FA2H: variants seen among roughly 807,000 people sequenced by gnomAD.
FA2H encodes fatty acid 2-hydroxylase, also known as fatty acid alpha-hydroxylase.
In FA2H, 22 loss-of-function variants were observed where a neutral mutation model predicts 44.9. The ratio of observed to expected loss-of-function variants is 0.49; its 90% confidence interval spans 0.35 to 0.70. FA2H has a LOEUF of 0.70. Ranked by LOEUF, FA2H falls within the 30% of genes least tolerant of loss-of-function variation. The pLI, the probability that FA2H is intolerant of heterozygous loss-of-function variation, is 0.01. For missense variants in FA2H, 501 were observed against 504.9 expected (o/e 0.99, Z 0.07); for synonymous variants, 243 against 213.2 (o/e 1.14, Z -1.22).
chr16:74,719,130 A>T lies in FA2H; in HGVS notation c.644T>A (p.Phe215Tyr), dbSNP rs1349608524. Residue 215 changes from phenylalanine to tyrosine, a missense_variant, in exon 5 of 7, where the codon TTC becomes TAC. Phe to Tyr is a conservative substitution (Grantham distance 22). Coordinates refer to ENST00000219368, the MANE Select transcript of FA2H (RefSeq NM_024306.5). ...TGTCCCCAGCATGAAGAGCCCGGGG[A>T]ACATGGACTTGGGCACTGCCACCGT... Reference protein sequence around the residue: ...EYTVAVPKSMFPGLFMLGTFL... With the variant: ...EYTVAVPKSMYPGLFMLGTFL... The T allele has an allele frequency of 6.2e-7, 1 of 1,613,724 alleles. No individual in the cohort carries two copies. The highest frequency in any genetic ancestry group is 1.1e-5 in the South Asian group (1 of 91,082).
At chr16:74,764,843 C>T (rs1962778090) in intron 1 of FA2H, among the ~76,000 whole-genome samples, 1 of 151,998 alleles carries the variant, frequency 6.6e-6, no homozygotes, top group African/African-American at 2.4e-5. Context: ...GGACTAGAAA[C>T]CCAGGCAACC....
intron 1 of FA2H, among the ~76,000 whole-genome samples, chr16:74,767,443 T>C (rs905181572): frequency 2.0e-5 from 3 of 152,210 alleles, no homozygotes; most frequent in Non-Finnish European, 2.9e-5. Flanking sequence ...GTGAATATGC[T>C]ACCTGACTTT....
At chr16:74,756,232 A>T (rs148212449) in intron 1 of FA2H, among the ~76,000 whole-genome samples, 81 of 152,310 alleles carry the variant, frequency 5.3e-4, no homozygotes, top group Middle Eastern at 3.4e-3. Context: ...AACACAAAGC[A>T]GGAAGAATAA....
In FA2H at chr16:74,716,404, A is replaced by G; in HGVS notation, c.982T>C (p.Tyr328His). 1 of 1,614,064 alleles carries G rather than the reference A, an allele frequency of 6.2e-7. No homozygotes were observed. Among genetic ancestry groups the G allele is most frequent in the Non-Finnish European group, 8.5e-7 (1 of 1,180,000 alleles). ...LHFGSPHKGS[Y>H]LYSLKAHHVK... ...TGGTGGGCCTTCAGGCTGTACAGGTAGGAGCCCTTGTGCGGCGAGCCAAAG... is the reference window on the plus strand; with the variant it reads ...TGGTGGGCCTTCAGGCTGTACAGGTGGGAGCCCTTGTGCGGCGAGCCAAAG... Residue 328 changes from tyrosine to histidine, a missense_variant, in exon 6 of 7, where the codon TAC (tyrosine) becomes CAC (histidine). Transcript: ENST00000219368.
At chr16:74,723,875 T>A (rs1321943077) in intron 4 of FA2H, among the ~76,000 whole-genome samples, 1 of 151,958 alleles carries the variant, frequency 6.6e-6, no homozygotes, top group Non-Finnish European at 1.5e-5. Context: ...GATGAGTATA[T>A]ACATTGTATT....
intron 6 of FA2H, among the ~76,000 whole-genome samples, chr16:74,714,826 T>C (rs1961658534): frequency 6.7e-6 from 1 of 149,246 alleles, no homozygotes; most frequent in Non-Finnish European, 1.5e-5. Context: ...CTTGATTGAG[T>C]TACTGGAATT....
At chr16:74,721,183 G>GA (rs1385541358) in intron 4 of FA2H, among the ~76,000 whole-genome samples, 1 of 147,418 alleles carries the variant, frequency 6.8e-6, no homozygotes, top group Non-Finnish European at 1.5e-5. Flanking sequence ...TTTTTTTTTT[G>GA]TGAGGCAGAG....
intron 5 of FA2H, chr16:74,716,880 T>C: frequency 2.1e-6 from 1 of 481,592 alleles, no homozygotes; most frequent in South Asian, 2.7e-5. Flanking sequence ...TGGGGTGTGC[T>C]GGCGGCTCAG....
intron 2 of FA2H, among the ~76,000 whole-genome samples, chr16:74,733,986 T>G (rs911176532): frequency 2.6e-5 from 4 of 152,160 alleles, no homozygotes. Flanking sequence ...CCCTTCTACC[T>G]GGGCACCACG....
In FA2H at chr16:74,753,035, C is replaced by A. The variant is rs551804639; in HGVS notation, c.271-12920G>T. On this transcript the variant is annotated intron_variant, in intron 1 of 6. Coordinates refer to ENST00000219368, the MANE Select transcript of FA2H (RefSeq NM_024306.5). Reference sequence around the variant, plus strand: ...CGTCCCTCACCACCTAGCAGAGACCCACCCCTGGTTAGCAGAAGCTGGAGC... The same window carrying A: ...CGTCCCTCACCACCTAGCAGAGACCAACCCCTGGTTAGCAGAAGCTGGAGC... Among the ~76,000 whole-genome samples the A allele has an allele frequency of 4.4e-4, 67 of 152,366 alleles. No homozygotes were observed. The South Asian group carries it at 0.013, about 30-fold the overall frequency.
At chr16:74,763,258 T>A (rs1389382276) in intron 1 of FA2H, among the ~76,000 whole-genome samples, 2 of 151,662 alleles carry the variant, frequency 1.3e-5, no homozygotes, top group Admixed American at 6.6e-5. Flanking sequence ...ACGTTTGGAA[T>A]TTTTTTTTGT....
intron 1 of FA2H, among the ~76,000 whole-genome samples, chr16:74,743,924 C>A (rs1962364306): frequency 6.6e-6 from 1 of 152,186 alleles, no homozygotes; most frequent in South Asian, 2.1e-4. Context: ...CTCCTAGGTA[C>A]AGGGACACGT....
At chr16:74,744,552 A>G (rs1192919662) in intron 1 of FA2H, among the ~76,000 whole-genome samples, 1 of 151,284 alleles carries the variant, frequency 6.6e-6, no homozygotes, top group Non-Finnish European at 1.5e-5. Flanking sequence ...CCTGGGCTCA[A>G]GCAATCCTCA....
At chr16:74,723,568 G>A (rs1961884971) in intron 4 of FA2H, among the ~76,000 whole-genome samples, 1 of 152,166 alleles carries the variant, frequency 6.6e-6, no homozygotes. Context: ...CTGGGAGGCT[G>A]TGGTTACTGA....
intron 5 of FA2H, 87 bp from the exon 6 acceptor site, chr16:74,716,686 G>T (rs747693437): frequency 2.1e-6 from 3 of 1,430,012 alleles, no homozygotes; most frequent in Non-Finnish European, 2.8e-6. Flanking sequence ...AGAGGACAGG[G>T]GCACAGCGGC....
chr16:74,759,128 G>A (rs1201023142), intron 1 of FA2H, among the ~76,000 whole-genome samples: 1 of 152,198 alleles, frequency 6.6e-6, no homozygotes, highest in Non-Finnish European at 1.5e-5. Flanking sequence ...TTATCCTGAA[G>A]GAGAAGATAC....
Position 74,740,091 on chromosome 16 carries a change from C to G in FA2H, c.295G>C (p.Ala99Pro). ...QQGSMENEPV[A>P]LEETQKTDPA... The stretch of plus-strand genomic sequence containing the variant: ...TCTGTCTTCTGAGTTTCCTCAAGGG[C>G]TACAGGCTCGTTCTCCATGGAGCCC... Residue 99 changes from alanine (A) to proline (P), a missense_variant, in exon 2 of 7, where the codon GCC becomes CCC. Transcript: ENST00000219368. 1 of 1,613,948 alleles carries G rather than the reference C, an allele frequency of 6.2e-7. No homozygotes were observed. The highest frequency in any genetic ancestry group is 8.5e-7 in the Non-Finnish European group (1 of 1,179,864).
At chr16:74,769,224 C>G (rs913140627) in intron 1 of FA2H, among the ~76,000 whole-genome samples, 5 of 152,182 alleles carry the variant, frequency 3.3e-5, no homozygotes, top group African/African-American at 9.7e-5. Flanking sequence ...TCCCAAGTAG[C>G]TGGGACCACA....
At chr16:74,757,090 A>T in intron 1 of FA2H, among the ~76,000 whole-genome samples, 1 of 152,292 alleles carries the variant, frequency 6.6e-6, no homozygotes, top group Middle Eastern at 3.4e-3. Flanking sequence ...GTGGAAGAAA[A>T]ATAGTAACAC....
Sources: gnomAD v4.1 joint callset for allele counts (sites outside exome capture counted in the v4.1 genomes callset) on GRCh38, gnomAD v4.1.1 for gene constraint, MANE v1.5 for transcripts, NCBI Gene and HGNC (gene_info 2026-07-23, HGNC 2026-07-21) for gene names.